The following MTMR9 variants were observed in gnomAD, a reference collection of about 807,000 sequenced individuals.
The protein encoded by MTMR9 is myotubularin-related protein 9.
A neutral mutation model predicts 69.5 loss-of-function variants in MTMR9; 39 were observed. The observed-to-expected ratio is 0.56, with a 90% CI of 0.43 to 0.73. The LOEUF (loss-of-function observed/expected upper bound fraction) is 0.73, where lower values mean the gene tolerates loss of function less well. MTMR9 is among the 30% of genes least tolerant of loss of function. The probability of loss-of-function intolerance (pLI) is 0.00; values close to 1 mark genes in which losing one functional copy is unlikely to be tolerated. For synonymous variants in MTMR9, 354 were observed against 240.8 expected (o/e 1.47, Z -4.35); for missense variants, 900 against 671.2 (o/e 1.34, Z -3.77).
intron 2 of MTMR9, chr8:11,297,961 A>G (rs1456999390): frequency 2.2e-6 from 1 of 456,218 alleles, no homozygotes; most frequent in Non-Finnish European, 4.4e-6. Flanking sequence ...TGTGAGTAGT[A>G]ATTGAATTTT....
Position 11,284,963 on chromosome 8 carries a change from C to T in MTMR9, c.75C>T (p.Val25=). 6.2e-7 allele frequency: 1 copy of T among 1,613,900 alleles called. No individual in the cohort carries two copies. Among genetic ancestry groups the T allele is most frequent in the Non-Finnish European group, 8.5e-7 (1 of 1,179,944 alleles). ...VVLHRPFYPA[V]EGTLCLTGHH... The stretch of plus-strand genomic sequence containing the variant: ...TGCACCGGCCTTTCTACCCGGCTGT[C>T]GAGGGCACCCTGTGCCTGACGGGCC... The change falls in exon 1 of 10, where the codon GTC becomes GTT. Residue 25 remains valine (V), a synonymous_variant. Coordinates refer to ENST00000221086, the MANE Select transcript of MTMR9 (RefSeq NM_015458.4).
chr8:11,306,511 T>G (rs1280523971), intron 5 of MTMR9, 104 bp downstream of exon 5: 3 of 977,182 alleles, frequency 3.1e-6, no homozygotes, highest in African/African-American at 3.3e-5. Flanking sequence ...ACTTCTGCAT[T>G]AATTTAGGGT....
intron 6 of MTMR9, among the ~76,000 whole-genome samples, chr8:11,310,244 T>A (rs529881990): frequency 6.6e-6 from 1 of 152,344 alleles, no homozygotes; most frequent in African/African-American, 2.4e-5. Context: ...GTTAATTCAC[T>A]CAGTTAAAGG....
At chr8:11,297,267 C>G (rs1161915365) in intron 2 of MTMR9, among the ~76,000 whole-genome samples, 2 of 152,150 alleles carry the variant, frequency 1.3e-5, no homozygotes, top group South Asian at 4.1e-4. Context: ...TGTTATAGTG[C>G]TAAGTAAATG....
intron 2 of MTMR9, among the ~76,000 whole-genome samples, chr8:11,299,391 A>T (rs1312864709): frequency 1.3e-5 from 2 of 152,192 alleles, no homozygotes; most frequent in African/African-American, 4.8e-5. Context: ...CCTTTTACAC[A>T]CATTATCTCT....
downstream of MTMR9, chr8:11,331,847 C>T (rs1404167000): frequency 5.6e-6 from 9 of 1,611,994 alleles, no homozygotes; most frequent in Non-Finnish European, 6.8e-6. Flanking sequence ...CCGTGTTGCC[C>T]AGTGACCTCC....
intron 9 of MTMR9, chr8:11,320,673 C>G (rs1413338090): frequency 6.6e-6 from 1 of 152,182 alleles, no homozygotes; most frequent in East Asian, 1.9e-4. Flanking sequence ...GCAAAGGTTG[C>G]AGTGAGCAGA....
In MTMR9 at chr8:11,323,843, G is replaced by A. The variant is rs997072317; in HGVS notation, c.*1055G>A. On this transcript the variant is annotated 3_prime_UTR_variant, in exon 10 of 10. Transcript: ENST00000221086. The stretch of plus-strand genomic sequence containing the variant: ...CTATTGATTTGTCCATTATGTGTTA[G>A]GCAAATATAACTTAAGTGGAGGGGG... 6.6e-6 allele frequency: 1 copy of A among 152,084 alleles called. No homozygotes were observed. The highest frequency in any genetic ancestry group is 2.4e-5 in the African/African-American group (1 of 41,408). The allele number at this position is 152,084 out of a possible 1,614,324, so 9.4% of individuals were successfully genotyped here.
chr8:11,300,158 CT>C lies in MTMR9; in HGVS notation c.417+14del, dbSNP rs1297330244. 12 of 1,611,464 alleles carry C rather than the reference CT, an allele frequency of 7.4e-6. No homozygotes were observed. In the East Asian group the frequency reaches 2.7e-4, roughly 36 times the overall value. On this transcript the variant is annotated intron_variant, in intron 3 of 9. Transcript: ENST00000221086. Reference sequence around the variant, plus strand: ...ACTCTATTCTTCAGCTGTGAGTTAACTTTTGAGAACTGTGGATTATGAGAAG... The same window carrying C: ...ACTCTATTCTTCAGCTGTGAGTTAACTTTGAGAACTGTGGATTATGAGAAG...
chr8:11,306,273 C>G lies in MTMR9; in HGVS notation c.675C>G (p.Leu225=), dbSNP rs138846493. 56 of 1,614,026 alleles carry G rather than the reference C, an allele frequency of 3.5e-5. No homozygotes were observed. In the East Asian group the frequency reaches 1.2e-3, roughly 34 times the overall value. ...ACGAGAAGCTGATAAATGCTACCCT[C>G]AGGGCTGGAAAGCGTGGCTACATCA... The part of the protein sequence containing the change: ...KEDEKLINAT[L]RAGKRGYIID... Residue 225 remains leucine (L), a synonymous_variant, in exon 5 of 10, where the codon CTC becomes CTG. Coordinates refer to ENST00000221086, the MANE Select transcript of MTMR9 (RefSeq NM_015458.4).
intron 1 of MTMR9, among the ~76,000 whole-genome samples, chr8:11,291,713 A>G (rs1462732811): frequency 6.6e-6 from 1 of 151,942 alleles, no homozygotes; most frequent in Admixed American, 6.6e-5. Context: ...CCAGACTAAC[A>G]AAACAAAATT....
chr8:11,316,430 G>A (rs1305739045), intron 7 of MTMR9: 1 of 349,768 alleles, frequency 2.9e-6, no homozygotes, highest in Non-Finnish European at 5.1e-6. Flanking sequence ...GGGCAGTGCA[G>A]TTCCTGTGGT....
intron 3 of MTMR9, among the ~76,000 whole-genome samples, chr8:11,303,458 G>C (rs887768164): frequency 2.0e-5 from 3 of 152,008 alleles, no homozygotes; most frequent in South Asian, 4.2e-4. Flanking sequence ...AGCAAATTGG[G>C]ATGGGCTAGC....
At chr8:11,292,948 G>A (rs1281705061) in intron 1 of MTMR9, among the ~76,000 whole-genome samples, 1 of 152,152 alleles carries the variant, frequency 6.6e-6, no homozygotes, top group Admixed American at 6.5e-5. Context: ...ACTGGTTTAT[G>A]TATTTACTAT....
At chr8:11,316,061 C>T (rs533603868) in intron 7 of MTMR9, 1 of 152,172 alleles carries the variant, frequency 6.6e-6, no homozygotes. Context: ...TTACTTTGGT[C>T]AGTAGATGGC....
intron 7 of MTMR9, chr8:11,316,080 G>C (rs1163491092): frequency 6.6e-6 from 1 of 152,198 alleles, no homozygotes; most frequent in African/African-American, 2.4e-5. Context: ...GCAGACTCTT[G>C]CTGTTCATTT....
chr8:11,329,512 C>T (rs145242015), downstream of MTMR9, among the ~76,000 whole-genome samples: 1,924 of 152,368 alleles, frequency 0.013, 53 homozygotes, highest in East Asian at 0.1. Context: ...GACAGGGTTT[C>T]GCTGTGTTGG....
rs772618981 is a variant in MTMR9, at chr8:11,305,024, C to G, written c.591+10C>G. On this transcript the variant is annotated intron_variant, in intron 4 of 9. Coordinates refer to ENST00000221086, the MANE Select transcript of MTMR9 (RefSeq NM_015458.4). Reference sequence around the variant, plus strand: ...CAAAAAAAATGGGATGGTAAGTGCACAGCACTACTGCTTGATGTACTGAAA... The same window carrying G: ...CAAAAAAAATGGGATGGTAAGTGCAGAGCACTACTGCTTGATGTACTGAAA... 1 of 1,612,470 alleles carries G rather than the reference C, an allele frequency of 6.2e-7. No individual in the cohort carries two copies. The highest frequency in any genetic ancestry group is 8.5e-7 in the Non-Finnish European group (1 of 1,178,776).
intron 3 of MTMR9, among the ~76,000 whole-genome samples, chr8:11,300,976 C>G (rs1410417780): frequency 6.6e-6 from 1 of 152,126 alleles, no homozygotes; most frequent in Non-Finnish European, 1.5e-5. Flanking sequence ...CTGAACTCTG[C>G]TGTTGTTGCA....
Sources: gnomAD v4.1 joint callset for allele counts (sites outside exome capture counted in the v4.1 genomes callset) on GRCh38, gnomAD v4.1.1 for gene constraint, MANE v1.5 for transcripts, NCBI Gene and HGNC (gene_info 2026-07-23, HGNC 2026-07-21) for gene names.